EPHA5: variants seen among roughly 807,000 people sequenced by gnomAD.
EPHA5 encodes ephrin type-A receptor 5.
In EPHA5, 60 loss-of-function variants were observed where a neutral mutation model predicts 105.0. The observed-to-expected ratio is 0.57, with a 90% CI of 0.46 to 0.71. The LOEUF (loss-of-function observed/expected upper bound fraction) is 0.71, where lower values mean the gene tolerates loss of function less well. Among genes scored for constraint, EPHA5 ranks in the 30% least tolerant of loss-of-function variants. The pLI is 0.00. For synonymous variants in EPHA5, 513 were observed against 449.1 expected (o/e 1.14, Z -1.80); for missense variants, 1,218 against 1,274.7 (o/e 0.96, Z 0.68).
chr4:65,617,544 G>A (rs192828749), intron 2 of EPHA5, among the ~76,000 whole-genome samples: 63 of 152,238 alleles, frequency 4.1e-4, no homozygotes, highest in Non-Finnish European at 8.4e-4. Context: ...AAGACCTTTT[G>A]AATAACAATT....
chr4:65,363,765 T>G (rs1717571441), intron 11 of EPHA5, among the ~76,000 whole-genome samples: 1 of 151,536 alleles, frequency 6.6e-6, no homozygotes, highest in Admixed American at 6.6e-5. Flanking sequence ...GCTTCTACGG[T>G]ATCTATCGAC....
intron 1 of EPHA5, 56 bp from the exon 2 acceptor site, chr4:65,643,483 T>C (rs1362923915): frequency 7.2e-7 from 1 of 1,387,350 alleles, no homozygotes; most frequent in Non-Finnish European, 1.0e-6. Flanking sequence ...GAATATTGTA[T>C]CTCTATTTTA....
chr4:65,365,551 A>T (rs1271123925), intron 10 of EPHA5, among the ~76,000 whole-genome samples: 1 of 149,312 alleles, frequency 6.7e-6, no homozygotes, highest in Non-Finnish European at 1.5e-5. Flanking sequence ...AGTAATAAGA[A>T]GAGAAAAGCC....
chr4:65,363,060 C>T (rs189341454), intron 11 of EPHA5, among the ~76,000 whole-genome samples: 1 of 151,470 alleles, frequency 6.6e-6, no homozygotes, highest in Non-Finnish European at 1.5e-5. Context: ...AATAAGGTTT[C>T]AGTGAAGTTG....
intron 8 of EPHA5, among the ~76,000 whole-genome samples, chr4:65,373,415 C>T (rs1718683993): frequency 6.6e-6 from 1 of 151,766 alleles, no homozygotes; most frequent in South Asian, 2.1e-4. Context: ...CACACTCCCC[C>T]CGGCAGATAT....
At chr4:65,608,604 A>G (rs1744466753) in intron 2 of EPHA5, among the ~76,000 whole-genome samples, 1 of 152,224 alleles carries the variant, frequency 6.6e-6, no homozygotes, top group Admixed American at 6.5e-5. Context: ...TGCTCAAACA[A>G]TAAAGAGTCA....
At chr4:65,524,013 C>A (rs572136044) in intron 3 of EPHA5, among the ~76,000 whole-genome samples, 37 of 151,934 alleles carry the variant, frequency 2.4e-4, no homozygotes, top group South Asian at 1.0e-3. Context: ...AGAAGAACGA[C>A]TTGGTCTCTC....
intron 5 of EPHA5, among the ~76,000 whole-genome samples, chr4:65,446,718 T>C (rs1726570476): frequency 6.6e-6 from 1 of 151,940 alleles, no homozygotes; most frequent in Admixed American, 6.6e-5. Context: ...TAAAGTACAT[T>C]ATATGTGTGT....
At chr4:65,543,394 T>G (rs1737038862) in intron 3 of EPHA5, among the ~76,000 whole-genome samples, 1 of 152,056 alleles carries the variant, frequency 6.6e-6, no homozygotes, top group Admixed American at 6.6e-5. Flanking sequence ...CAAAAATCCA[T>G]ATGCAAAAAT....
rs374393697 is a variant in EPHA5 at position 65,365,085 on chromosome 4, C to T, written c.2105G>A (p.Gly702Asp). ...YTEKQRRDFL[G>D]EASIMGQFDH... ...AAACTGTCCCATGATACTTGCTTCA[C>T]CTAGGAAATCTCTGCGTTGCTTTTC... Residue 702 changes from glycine to aspartate, a missense_variant, in exon 11 of 17, where the codon GGT (glycine) becomes GAT (aspartate). Gly to Asp is a moderately conservative substitution (Grantham distance 94, BLOSUM62 -1). Around this residue, in one of 3 missense-constraint regions of EPHA5, gnomAD observed 971 missense variants for 1,013.5 expected, o/e 0.96. Transcript: ENST00000613740. The T allele has an allele frequency of 5.6e-6, 9 of 1,611,854 alleles. No individual in the cohort carries two copies. Among genetic ancestry groups the T allele is most frequent in the Non-Finnish European group, 7.6e-6 (9 of 1,178,502 alleles).
chr4:65,440,571 A>G (rs1259859894), intron 5 of EPHA5, among the ~76,000 whole-genome samples: 1 of 147,614 alleles, frequency 6.8e-6, no homozygotes, highest in Non-Finnish European at 1.5e-5. Context: ...GAAATAATGT[A>G]AAGTTATTTT....
intron 5 of EPHA5, among the ~76,000 whole-genome samples, chr4:65,450,800 A>G (rs1726988947): frequency 6.6e-6 from 1 of 152,164 alleles, no homozygotes; most frequent in African/African-American, 2.4e-5. Context: ...ATCCCAGAAC[A>G]AAGTATAATA....
intron 2 of EPHA5, among the ~76,000 whole-genome samples, chr4:65,605,785 C>T (rs1297224027): frequency 2.0e-5 from 3 of 151,886 alleles, no homozygotes; most frequent in African/African-American, 7.3e-5. Flanking sequence ...AGTTTTAGTC[C>T]CAGCTCTTAT....
intron 13 of EPHA5, among the ~76,000 whole-genome samples, chr4:65,350,608 A>G (rs1722723727): frequency 6.6e-6 from 1 of 152,128 alleles, no homozygotes. Context: ...TGTTTATCAT[A>G]AGGAATTCAA....
intron 3 of EPHA5, among the ~76,000 whole-genome samples, chr4:65,582,037 T>C (rs1330949319): frequency 6.6e-6 from 1 of 151,740 alleles, no homozygotes; most frequent in Non-Finnish European, 1.5e-5. Context: ...GTAGACACTA[T>C]GAAGCATATA....
At chr4:65,388,297 T>C (rs1401485443) in intron 8 of EPHA5, among the ~76,000 whole-genome samples, 2 of 151,784 alleles carry the variant, frequency 1.3e-5, no homozygotes, top group Admixed American at 1.3e-4. Context: ...TGTGTCTTTA[T>C]AGCAGCATGT....
intron 5 of EPHA5, among the ~76,000 whole-genome samples, chr4:65,435,388 A>G (rs549718232): frequency 9.8e-5 from 15 of 152,290 alleles, no homozygotes; most frequent in African/African-American, 3.1e-4. Flanking sequence ...CAAAATATTC[A>G]TAATGGCATT....
Position 65,572,447 on chromosome 4 carries a change from A to C in EPHA5, c.910+29194T>G, listed in dbSNP as rs1201595112. Among the ~76,000 whole-genome samples the C allele has an allele frequency of 2.0e-5, 3 of 152,168 alleles. No homozygotes were observed. In the East Asian group the frequency reaches 5.8e-4, roughly 29 times the overall value. On this transcript the variant is annotated intron_variant, in intron 3 of 16. Coordinates refer to ENST00000613740, the MANE Select transcript of EPHA5 (RefSeq NM_001281766.3). Reference sequence around the variant, plus strand: ...GCTTGATATTTAAACTTAGGCCCCCACTGCTTCTAAATGCTTACAAGCATA... The same window carrying C: ...GCTTGATATTTAAACTTAGGCCCCCCCTGCTTCTAAATGCTTACAAGCATA...
intron 3 of EPHA5, among the ~76,000 whole-genome samples, chr4:65,568,529 A>G (rs887094817): frequency 6.6e-6 from 1 of 151,234 alleles, no homozygotes; most frequent in Non-Finnish European, 1.5e-5. Context: ...TTAATAATTA[A>G]CAACAACGCA....
Sources: allele counts gnomAD v4.1 joint callset (sites outside exome capture counted in the v4.1 genomes callset), GRCh38; gene constraint gnomAD v4.1.1; regional missense constraint gnomAD v4.1.1; transcripts MANE v1.5; gene names NCBI Gene and HGNC (gene_info 2026-07-23, HGNC 2026-07-21).